The following HS3ST5 variants were observed in gnomAD, a reference collection of about 807,000 sequenced individuals.
HS3ST5 encodes the protein heparan sulfate-glucosamine 3-sulfotransferase 5.
Under a neutral mutation model 25.4 loss-of-function variants are expected in HS3ST5, and 10 were observed. That is an observed-to-expected ratio of 0.39 (90% confidence interval 0.24 to 0.67). The LOEUF (loss-of-function observed/expected upper bound fraction) is 0.67, where lower values mean the gene tolerates loss of function less well. HS3ST5 is among the 30% of genes least tolerant of loss of function. The pLI is 0.44. For missense variants in HS3ST5, 324 were observed against 420.7 expected (o/e 0.77, Z 2.01); for synonymous variants, 170 against 162.4 (o/e 1.05, Z -0.36).
chr6:114,242,809 C>T (rs180831700), intron 1 of HS3ST5, among the ~76,000 whole-genome samples: 6,984 of 149,124 alleles, frequency 0.047, 181 homozygotes, highest in Middle Eastern at 0.079. Context: ...GCCGAGATTG[C>T]GCCACTGCAG....
rs892527720 is a variant in HS3ST5, at chr6:114,342,466, C to T, written c.-610G>A. 46 of 183,234 alleles carry T rather than the reference C, an allele frequency of 2.5e-4. No homozygotes were observed. Among genetic ancestry groups the T allele is most frequent in the African/African-American group, 1.0e-3 (43 of 41,720 alleles). 11.4% of individuals were successfully genotyped at this position (183,234 alleles called of 1,614,324 possible). A position where few individuals can be genotyped will look rare whatever the true frequency, so the allele number is the denominator to read the frequency against. On this transcript the variant is annotated 5_prime_UTR_variant, in exon 1 of 5. Coordinates refer to ENST00000312719, the MANE Select transcript of HS3ST5 (RefSeq NM_153612.4). ...CGGCGGCGAGGTCTGAGGCGGGGAG[C>T]CGGGCGGGGGGGCAGGCGGGCGAGA...
At chr6:114,119,958 A>G (rs1776704953) in intron 3 of HS3ST5, among the ~76,000 whole-genome samples, 1 of 152,158 alleles carries the variant, frequency 6.6e-6, no homozygotes, top group Non-Finnish European at 1.5e-5. Flanking sequence ...CGGCCTGGCC[A>G]ACGTGATGAA....
At chr6:114,276,407 A>T (rs1773854742) in intron 1 of HS3ST5, among the ~76,000 whole-genome samples, 2 of 151,952 alleles carry the variant, frequency 1.3e-5, no homozygotes, top group Non-Finnish European at 2.9e-5. Context: ...ATGAATTAAC[A>T]TTTAAATATT....
intron 3 of HS3ST5, among the ~76,000 whole-genome samples, chr6:114,159,680 G>A (rs1338806493): frequency 2.0e-5 from 3 of 152,046 alleles, no homozygotes; most frequent in East Asian, 1.9e-4. Flanking sequence ...CACTTACAAT[G>A]TATACATTTT....
chr6:114,180,720 A>G (rs977695087), intron 2 of HS3ST5, among the ~76,000 whole-genome samples: 7 of 152,164 alleles, frequency 4.6e-5, no homozygotes, highest in African/African-American at 1.7e-4. Flanking sequence ...CTTTATTCCA[A>G]TACAGCTGCC....
At chr6:114,264,473 A>G (rs1176480045) in intron 1 of HS3ST5, among the ~76,000 whole-genome samples, 1 of 152,166 alleles carries the variant, frequency 6.6e-6, no homozygotes, top group East Asian at 1.9e-4. Context: ...TATGTATTAT[A>G]TTTCATCTTC....
intron 1 of HS3ST5, among the ~76,000 whole-genome samples, chr6:114,331,286 T>C (rs1776385151): frequency 1.3e-5 from 2 of 152,212 alleles, no homozygotes; most frequent in Non-Finnish European, 2.9e-5. Flanking sequence ...ATCTTCAAAA[T>C]AGTTTAAGAA....
chr6:114,227,532 C>T (rs533941734), intron 2 of HS3ST5, among the ~76,000 whole-genome samples: 1 of 151,894 alleles, frequency 6.6e-6, no homozygotes, highest in South Asian at 2.1e-4. Context: ...AATGAAGTTG[C>T]TAAATGACAT....
chr6:114,283,896 G>A (rs893382499), intron 1 of HS3ST5, among the ~76,000 whole-genome samples: 2 of 151,954 alleles, frequency 1.3e-5, no homozygotes, highest in Non-Finnish European at 2.9e-5. Context: ...AGGAAATACA[G>A]AGAGGAAGAA....
chr6:114,313,781 AG>A (rs1775634778), intron 1 of HS3ST5, among the ~76,000 whole-genome samples: 1 of 152,232 alleles, frequency 6.6e-6, no homozygotes. Flanking sequence ...TACTTAAAAT[AG>A]GTGCATTTAT....
chr6:114,211,808 C>T (rs1043002750), intron 2 of HS3ST5, among the ~76,000 whole-genome samples: 2 of 152,160 alleles, frequency 1.3e-5, no homozygotes, highest in East Asian at 1.9e-4. Context: ...TCAAAATAGA[C>T]TCTGAATACT....
intron 1 of HS3ST5, among the ~76,000 whole-genome samples, chr6:114,248,225 T>C (rs910916672): frequency 6.9e-6 from 1 of 145,114 alleles, no homozygotes; most frequent in African/African-American, 2.5e-5. Flanking sequence ...AAAATATATA[T>C]ATATATATAT....
At chr6:114,303,201 C>G (rs1775152126) in intron 1 of HS3ST5, among the ~76,000 whole-genome samples, 1 of 152,068 alleles carries the variant, frequency 6.6e-6, no homozygotes, top group South Asian at 2.1e-4. Context: ...GATTTTGGAG[C>G]CTTTACTAAA....
chr6:114,305,689 T>C (rs1018712494), intron 1 of HS3ST5, among the ~76,000 whole-genome samples: 7 of 152,182 alleles, frequency 4.6e-5, no homozygotes, highest in African/African-American at 1.7e-4. Context: ...TTCTCCTGTC[T>C]CTTCTCCTTC....
At chr6:114,243,760 C>A (rs1183198031) in intron 1 of HS3ST5, among the ~76,000 whole-genome samples, 1 of 152,110 alleles carries the variant, frequency 6.6e-6, no homozygotes, top group African/African-American at 2.4e-5. Context: ...TACCCCTTTT[C>A]TTTGTATTTG....
chr6:114,328,325 G>T (rs537331505), intron 1 of HS3ST5, among the ~76,000 whole-genome samples: 1 of 152,064 alleles, frequency 6.6e-6, no homozygotes, highest in South Asian at 2.1e-4. Flanking sequence ...TATTTACAGG[G>T]ATTAATTAAT....
Position 114,062,793 on chromosome 6 carries a change from C to T in HS3ST5, c.53G>A (p.Ser18Asn). ...ATACAGGAGACTCCCAACGGCAAGG[C>T]TTCCCAGCACCAGGAGCTTCTGTCT... ...WLRQKLLVLG[S>N]LAVGSLLYLV... Residue 18 changes from serine (S) to asparagine (N), a missense_variant, in exon 4 of 5, where the codon AGC becomes AAC. Physicochemically the swap from Ser to Asn is conservative, Grantham distance 46 (BLOSUM62 1). Around this residue, in one of 2 missense-constraint regions of HS3ST5, gnomAD observed 121 missense variants for 117.3 expected, o/e 1.03. Transcript: ENST00000312719. 2 of 1,614,146 alleles carry T rather than the reference C, an allele frequency of 1.2e-6. No homozygotes were observed. The highest frequency in any genetic ancestry group is 2.2e-5 in the South Asian group (2 of 91,088).
intron 1 of HS3ST5, among the ~76,000 whole-genome samples, chr6:114,287,734 C>T (rs1001857493): frequency 3.3e-5 from 5 of 151,996 alleles, no homozygotes; most frequent in African/African-American, 1.2e-4. Flanking sequence ...ACATCACCCT[C>T]TTTAGGCAAA....
At position 114,161,544 on chromosome 6, in the gene HS3ST5, T is replaced by C. The variant is rs1313005579; in HGVS notation, c.-33+6807A>G. ...TTTTATATATATATATATATATATA[T>C]ATATATATATATATATATATATATA... On this transcript the variant is annotated intron_variant, in intron 3 of 4. Coordinates refer to ENST00000312719, the MANE Select transcript of HS3ST5 (RefSeq NM_153612.4). Among the ~76,000 whole-genome samples the C allele has an allele frequency of 1.1e-4, 9 of 80,716 alleles. No homozygotes were observed. The South Asian group carries it at 3.4e-3, about 30-fold the overall frequency. 53.0% of individuals were successfully genotyped at this position (80,716 alleles called of 152,430 possible).
Sources: allele counts gnomAD v4.1 joint callset (sites outside exome capture counted in the v4.1 genomes callset), GRCh38; gene constraint gnomAD v4.1.1; regional missense constraint gnomAD v4.1.1; transcripts MANE v1.5; gene names NCBI Gene and HGNC (gene_info 2026-07-23, HGNC 2026-07-21).